Variants in KCNK12 observed in about 807,000 individuals in gnomAD.
The protein encoded by KCNK12 is potassium channel subfamily K member 12.
KCNK12 carries 6 observed loss-of-function variants against 25.3 expected under a neutral mutation model. The observed-to-expected ratio is 0.24, with a 90% CI of 0.13 to 0.47. KCNK12 has a LOEUF of 0.47. KCNK12 is among the 20% of genes least tolerant of loss of function. The pLI, the probability that KCNK12 is intolerant of heterozygous loss-of-function variation, is 0.99. For synonymous variants in KCNK12, 331 were observed against 311.1 expected (o/e 1.06, Z -0.67); for missense variants, 444 against 661.7 (o/e 0.67, Z 3.61).
Position 47,514,856 on chromosome 2 carries a change from C to T in KCNK12, c.*6051G>A, listed in dbSNP as rs1668484882. Among the ~76,000 whole-genome samples the T allele has an allele frequency of 3.9e-5, 6 of 152,208 alleles. No individual in the cohort carries two copies. The South Asian group carries it at 1.2e-3, about 32-fold the overall frequency. ...CGAACTCCTAGGCTAAAGTGATCCACTTGTCTCAGCCTCCCAAAGTGCTGG... is the reference window on the plus strand; with the variant it reads ...CGAACTCCTAGGCTAAAGTGATCCATTTGTCTCAGCCTCCCAAAGTGCTGG... On this transcript the variant is annotated 3_prime_UTR_variant, in exon 2 of 2. Coordinates refer to ENST00000327876, the MANE Select transcript of KCNK12 (RefSeq NM_022055.2). The surrounding 1 kb of genome is among the most constrained non-coding windows in gnomAD (Gnocchi z 5.0).
rs1669552013 is a variant in KCNK12 at position 47,556,421 on chromosome 2, T to C, written c.391+13520A>G. 6.6e-6 allele frequency among the ~76,000 whole-genome samples: 1 copy of C among 151,422 alleles called. No individual in the cohort carries two copies. The highest frequency in any genetic ancestry group is 1.5e-5 in the Non-Finnish European group (1 of 67,906). ...TGAAAGAAAGGTAGTTAGCAGAGAG[T>C]GAGGGGAATGGGAGGCTAAAGATGG... On this transcript the variant is annotated intron_variant, in intron 1 of 1. Transcript: ENST00000327876. This position sits in a 1 kb window ranked among gnomAD's most constrained non-coding sequence, Gnocchi z 4.8.
chr2:47,553,138 G>A lies in KCNK12; in HGVS notation c.391+16803C>T, dbSNP rs115761731. On this transcript the variant is annotated intron_variant, in intron 1 of 1. Coordinates refer to ENST00000327876, the MANE Select transcript of KCNK12 (RefSeq NM_022055.2). Reference sequence around the variant, plus strand: ...ATGCAAGGGTCCTCCCCATGACCCTGTGAGGTAGACCTCATTGCAAGAGTA... The same window carrying A: ...ATGCAAGGGTCCTCCCCATGACCCTATGAGGTAGACCTCATTGCAAGAGTA... 5.4e-3 allele frequency among the ~76,000 whole-genome samples: 824 copies of A among 152,350 alleles called. 7 individuals are homozygous for A. Among genetic ancestry groups the A allele is most frequent in the African/African-American group, 0.017 (722 of 41,574 alleles).
At position 47,565,430 on chromosome 2, in the gene KCNK12, G is replaced by C. The variant is rs1006214124; in HGVS notation, c.391+4511C>G. The C allele has an allele frequency of 6.6e-6, 1 of 152,202 alleles. No homozygotes were observed. Among genetic ancestry groups the C allele is most frequent in the African/African-American group, 2.4e-5 (1 of 41,444 alleles). The allele number at this position is 152,202 out of a possible 1,614,324, so 9.4% of individuals were successfully genotyped here. On this transcript the variant is annotated intron_variant, in intron 1 of 1. Coordinates refer to ENST00000327876, the MANE Select transcript of KCNK12 (RefSeq NM_022055.2). The surrounding 1 kb of genome is among the most constrained non-coding windows in gnomAD (Gnocchi z 5.0). ...TAATCTCGTGGCTGAATAATTAAGT[G>C]TGCCTAATTCTGAAAGTAGCAAGCT...
Position 47,570,273 on chromosome 2 carries a change from G to GGGCGCGGCAGGCGGC in KCNK12, c.44_58dup (p.Arg15_Arg19dup). On this transcript the variant is annotated inframe_insertion, in exon 1 of 2. Coordinates refer to ENST00000327876, the MANE Select transcript of KCNK12 (RefSeq NM_022055.2). ...GCGGCAGCAGCAGCAGCAGCAGGAG[G>GGGCGCGGCAGGCGGC]GGCGCGGCAGGCGGCGGCGGCTACG... 7.1e-7 allele frequency: 1 copy of GGGCGCGGCAGGCGGC among 1,407,696 alleles called. No homozygotes were observed. The highest frequency in any genetic ancestry group is 9.2e-7 in the Non-Finnish European group (1 of 1,082,218). 87.2% of individuals were successfully genotyped at this position (1,407,696 alleles called of 1,614,324 possible). A position where few individuals can be genotyped will look rare whatever the true frequency, so the allele number is the denominator to read the frequency against.
rs1668835585 is a variant in KCNK12 at position 47,528,339 on chromosome 2, G to C, written c.392-6531C>G. The C allele has an allele frequency of 6.6e-6, 1 of 152,330 alleles. No homozygotes were observed. The highest frequency in any genetic ancestry group is 2.4e-5 in the African/African-American group (1 of 41,468). 9.4% of individuals were successfully genotyped at this position (152,330 alleles called of 1,614,324 possible). A position where few individuals can be genotyped will look rare whatever the true frequency, so the allele number is the denominator to read the frequency against. ...CATCCTGGGAGACAAGGTGGGGGTGGAGGATGGTCCATCCTTCTTCCGCAT... is the reference window on the plus strand; with the variant it reads ...CATCCTGGGAGACAAGGTGGGGGTGCAGGATGGTCCATCCTTCTTCCGCAT... On this transcript the variant is annotated intron_variant, in intron 1 of 1. Transcript: ENST00000327876. This position sits in a 1 kb window ranked among gnomAD's most constrained non-coding sequence, Gnocchi z 4.5.
Position 47,540,766 on chromosome 2 carries a change from C to CAATT in KCNK12, c.392-18962_392-18959dup, listed in dbSNP as rs1669180033. On this transcript the variant is annotated intron_variant, in intron 1 of 1. Coordinates refer to ENST00000327876, the MANE Select transcript of KCNK12 (RefSeq NM_022055.2). The surrounding 1 kb of genome is among the most constrained non-coding windows in gnomAD (Gnocchi z 5.4). The stretch of plus-strand genomic sequence containing the variant: ...CATGGTGAGACTCCATCCCTAGAAA[C>CAATT]AATTAAAAACAAACAAACAAACAAA... Among the ~76,000 whole-genome samples, 1 of 127,418 alleles carries CAATT rather than the reference C, an allele frequency of 7.8e-6. No individual in the cohort carries two copies. The highest frequency in any genetic ancestry group is 7.6e-5 in the Admixed American group (1 of 13,238). 83.6% of individuals were successfully genotyped at this position (127,418 alleles called of 152,430 possible).
chr2:47,530,887 G>T (rs942105061), intron 1 of KCNK12, among the ~76,000 whole-genome samples: 3 of 152,128 alleles, frequency 2.0e-5, no homozygotes, highest in African/African-American at 4.8e-5. Context: ...TCAGTAACTT[G>T]CCCAAGATCA....
At position 47,562,753 on chromosome 2, in the gene KCNK12, C is replaced by T. The variant is rs568886567; in HGVS notation, c.391+7188G>A. 10 of 233,154 alleles carry T rather than the reference C, an allele frequency of 4.3e-5. No homozygotes were observed. Among genetic ancestry groups the T allele is most frequent in the African/African-American group, 6.6e-5 (3 of 45,318 alleles). 14.4% of individuals were successfully genotyped at this position (233,154 alleles called of 1,614,324 possible). On this transcript the variant is annotated intron_variant, in intron 1 of 1. Coordinates refer to ENST00000327876, the MANE Select transcript of KCNK12 (RefSeq NM_022055.2). This position sits in a 1 kb window ranked among gnomAD's most constrained non-coding sequence, Gnocchi z 4.8. ...CTCCTGGAAACTGCTGTGCTTCCTG[C>T]AGTTTCAAGCCCCTCCACCCCCTGT...
In KCNK12 at chr2:47,565,240, C is replaced by T. The variant is rs1669766630; in HGVS notation, c.391+4701G>A. The T allele has an allele frequency of 6.6e-6, 1 of 152,112 alleles. No homozygotes were observed. The highest frequency in any genetic ancestry group is 2.1e-4 in the South Asian group (1 of 4,824). 9.4% of individuals were successfully genotyped at this position (152,112 alleles called of 1,614,324 possible). A position where few individuals can be genotyped will look rare whatever the true frequency, so the allele number is the denominator to read the frequency against. On this transcript the variant is annotated intron_variant, in intron 1 of 1. Coordinates refer to ENST00000327876, the MANE Select transcript of KCNK12 (RefSeq NM_022055.2). This position sits in a 1 kb window ranked among gnomAD's most constrained non-coding sequence, Gnocchi z 5.0. The stretch of plus-strand genomic sequence containing the variant: ...CTCCTTCTGGATAATGTGTTTCATT[C>T]CAGATATCAAAACTATCTCCAGCTG...
intron 1 of KCNK12, among the ~76,000 whole-genome samples, chr2:47,546,254 C>T (rs1409638888): frequency 1.3e-5 from 2 of 152,202 alleles, no homozygotes; most frequent in African/African-American, 4.8e-5. Flanking sequence ...CATGGTTATG[C>T]TATTACTTTC....
chr2:47,570,388 C>A lies in KCNK12; in HGVS notation c.-57G>T, dbSNP rs1314228925. On this transcript the variant is annotated 5_prime_UTR_variant, in exon 1 of 2. Coordinates refer to ENST00000327876, the MANE Select transcript of KCNK12 (RefSeq NM_022055.2). ...CGCTCGGGGCCCGGGCCACGACATC[C>A]CCCCGGCGGGAGCAGGAGCGTGAGG... The A allele has an allele frequency of 5.0e-6, 6 of 1,212,018 alleles. No individual in the cohort carries two copies. Among genetic ancestry groups the A allele is most frequent in the Non-Finnish European group, 6.1e-6 (6 of 976,452 alleles). 75.1% of individuals were successfully genotyped at this position (1,212,018 alleles called of 1,614,324 possible).
rs932442901 is a variant in KCNK12, at chr2:47,515,171, A to C, written c.*5736T>G. On this transcript the variant is annotated 3_prime_UTR_variant, in exon 2 of 2. Transcript: ENST00000327876. ...GAGAGGAGAGCTGATGGGTGACGAGAAATCAGGCCTCTCCGCCACGGCAGC... is the reference window on the plus strand; with the variant it reads ...GAGAGGAGAGCTGATGGGTGACGAGCAATCAGGCCTCTCCGCCACGGCAGC... Among the ~76,000 whole-genome samples, 1 of 152,208 alleles carries C rather than the reference A, an allele frequency of 6.6e-6. No individual in the cohort carries two copies. The highest frequency in any genetic ancestry group is 2.4e-5 in the African/African-American group (1 of 41,448).
chr2:47,560,140 C>T lies in KCNK12; in HGVS notation c.391+9801G>A, dbSNP rs1295864163. ...TGCTGGTGTGCTTAAGGGAGGCCCT[C>T]CTGTTTTTTTGGTTTTCTGTCCCGC... On this transcript the variant is annotated intron_variant, in intron 1 of 1. Coordinates refer to ENST00000327876, the MANE Select transcript of KCNK12 (RefSeq NM_022055.2). The surrounding 1 kb of genome is among the most constrained non-coding windows in gnomAD (Gnocchi z 4.7). Among the ~76,000 whole-genome samples the T allele has an allele frequency of 6.6e-6, 1 of 152,162 alleles. No homozygotes were observed. Among genetic ancestry groups the T allele is most frequent in the Non-Finnish European group, 1.5e-5 (1 of 68,022 alleles).
intron 1 of KCNK12, chr2:47,563,875 G>T: frequency 4.3e-6 from 1 of 232,632 alleles, no homozygotes; most frequent in Non-Finnish European, 8.5e-6. Flanking sequence ...GCATAGTCAA[G>T]ACTGAGTGGA....
rs564033708 is a variant in KCNK12, at chr2:47,547,790, G to C, written c.391+22151C>G. The stretch of plus-strand genomic sequence containing the variant: ...TTTTTATATTTTTAGTAGAGAGGGG[G>C]TTTCACCGTGTTGGCCAGGCTGGTC... On this transcript the variant is annotated intron_variant, in intron 1 of 1. Transcript: ENST00000327876. This position sits in a 1 kb window ranked among gnomAD's most constrained non-coding sequence, Gnocchi z 5.0. Among the ~76,000 whole-genome samples the C allele has an allele frequency of 6.6e-6, 1 of 152,254 alleles. No homozygotes were observed. The highest frequency in any genetic ancestry group is 2.1e-4 in the South Asian group (1 of 4,820).
chr2:47,561,962 C>A, intron 1 of KCNK12: 1 of 397,746 alleles, frequency 2.5e-6, no homozygotes, highest in Non-Finnish European at 4.4e-6. Context: ...GCATTCCCTT[C>A]TTTTAGTAAG....
chr2:47,521,885 GGC>G, intron 1 of KCNK12, 77 bp from the exon 2 acceptor site: 3 of 1,139,212 alleles, frequency 2.6e-6, no homozygotes, highest in South Asian at 1.8e-5. Flanking sequence ...GGGGTGTGGG[GGC>G]GGGGGCATGC....
rs1228167113 is a variant in KCNK12, at chr2:47,557,342, C to T, written c.391+12599G>A. Among the ~76,000 whole-genome samples, 1 of 152,160 alleles carries T rather than the reference C, an allele frequency of 6.6e-6. No individual in the cohort carries two copies. Among genetic ancestry groups the T allele is most frequent in the African/African-American group, 2.4e-5 (1 of 41,440 alleles). Reference sequence around the variant, plus strand: ...CCTGCACTTGCTCACCATGTGATGCCTTCCACATGGATGACTCTTGCCAGA... The same window carrying T: ...CCTGCACTTGCTCACCATGTGATGCTTTCCACATGGATGACTCTTGCCAGA... On this transcript the variant is annotated intron_variant, in intron 1 of 1. Coordinates refer to ENST00000327876, the MANE Select transcript of KCNK12 (RefSeq NM_022055.2). The surrounding 1 kb of genome is among the most constrained non-coding windows in gnomAD (Gnocchi z 4.9).
In KCNK12 at chr2:47,565,196, C is replaced by T. The variant is rs1669765831; in HGVS notation, c.391+4745G>A. 6.6e-6 allele frequency: 1 copy of T among 152,040 alleles called. No homozygotes were observed. Among genetic ancestry groups the T allele is most frequent in the Admixed American group, 6.5e-5 (1 of 15,274 alleles). 9.4% of individuals were successfully genotyped at this position (152,040 alleles called of 1,614,324 possible). A position where few individuals can be genotyped will look rare whatever the true frequency, so the allele number is the denominator to read the frequency against. On this transcript the variant is annotated intron_variant, in intron 1 of 1. Coordinates refer to ENST00000327876, the MANE Select transcript of KCNK12 (RefSeq NM_022055.2). The surrounding 1 kb of genome is among the most constrained non-coding windows in gnomAD (Gnocchi z 5.0). Reference sequence around the variant, plus strand: ...AAAAAAAAAGTTGATGAGAGAAATACGCAAGGAAGGATGCGCCTCTCCTTC... The same window carrying T: ...AAAAAAAAAGTTGATGAGAGAAATATGCAAGGAAGGATGCGCCTCTCCTTC...
Sources: gnomAD v4.1 joint callset for allele counts (sites outside exome capture counted in the v4.1 genomes callset) on GRCh38, gnomAD v4.1.1 for gene constraint, Gnocchi (gnomAD v3.1) non-coding constraint, MANE v1.5 for transcripts, NCBI Gene and HGNC (gene_info 2026-07-23, HGNC 2026-07-21) for gene names.